The following C19orf38 variants were observed in gnomAD, a reference collection of about 807,000 sequenced individuals.
C19orf38 encodes protein HIDE1.
In C19orf38, 14 loss-of-function variants were observed where a neutral mutation model predicts 26.6. That is an observed-to-expected ratio of 0.53 (90% CI 0.35 to 0.82). C19orf38 has a LOEUF of 0.82. Among genes scored for constraint, C19orf38 ranks in the 40% least tolerant of loss-of-function variants. C19orf38 has a pLI of 0.01. For missense variants in C19orf38, 261 were observed against 299.5 expected (o/e 0.87, Z 0.95); for synonymous variants, 132 against 128.5 (o/e 1.03, Z -0.18).
rs990431864 is a variant in C19orf38 at position 10,848,426 on chromosome 19, G to T, written c.-83G>T. On this transcript the variant is annotated 5_prime_UTR_variant, in exon 1 of 7. Coordinates refer to ENST00000397820, the MANE Select transcript of C19orf38 (RefSeq NM_001136482.3). ...AATCAGCCCTGGTTCTCCTTTCCCC[G>T]ATCTGGCCTCACAGGAGGAGTTGGC... 1.4e-6 allele frequency: 2 copies of T among 1,439,940 alleles called. No individual in the cohort carries two copies. The highest frequency in any genetic ancestry group is 3.9e-5 in the Admixed American group (2 of 50,636). 89.2% of individuals were successfully genotyped at this position (1,439,940 alleles called of 1,614,324 possible).
chr19:10,865,987 T>TTA (rs2073747362), intron 6 of C19orf38, among the ~76,000 whole-genome samples: 1 of 151,670 alleles, frequency 6.6e-6, no homozygotes, highest in East Asian at 1.9e-4. Flanking sequence ...TAGTTTATTT[T>TTA]TATATATATA....
At chr19:10,851,144 T>TC (rs2073568083) in intron 2 of C19orf38, among the ~76,000 whole-genome samples, 1 of 152,194 alleles carries the variant, frequency 6.6e-6, no homozygotes, top group African/African-American at 2.4e-5. Context: ...AGCCTCTGCC[T>TC]CCTGGTTCAA....
intron 6 of C19orf38, among the ~76,000 whole-genome samples, 185 bp downstream of exon 6, chr19:10,863,392 C>T (rs2073722552): frequency 6.6e-6 from 1 of 152,100 alleles, no homozygotes; most frequent in African/African-American, 2.4e-5. Flanking sequence ...GTGAAAAAAT[C>T]CCAGGGGGTG....
rs150635267 is a variant in C19orf38 at position 10,848,474 on chromosome 19, C to T, written c.-35C>T. 29,458 of 1,551,070 alleles carry T rather than the reference C, an allele frequency of 0.019. 325 individuals carry two copies. Among genetic ancestry groups the T allele is most frequent in the Middle Eastern group, 0.03 (179 of 5,992 alleles). ...GGCGGGGAGCCTTGGGCCCCTCTGG[C>T]CTCAGCCGGATTTCCCAGCCAAACG... On this transcript the variant is annotated 5_prime_UTR_variant, in exon 1 of 7. Coordinates refer to ENST00000397820, the MANE Select transcript of C19orf38 (RefSeq NM_001136482.3).
In C19orf38 at chr19:10,858,298, A is replaced by C; in HGVS notation, c.434-18A>C. On this transcript the variant is annotated intron_variant, in intron 3 of 6. Coordinates refer to ENST00000397820, the MANE Select transcript of C19orf38 (RefSeq NM_001136482.3). ...TAGGACCAAAATCTAACACATGCTC[A>C]TTTCTTTTTTGTTCCAGTTAAACTC... 6.5e-7 allele frequency: 1 copy of C among 1,537,394 alleles called. No individual in the cohort carries two copies. The highest frequency in any genetic ancestry group is 8.8e-7 in the Non-Finnish European group (1 of 1,137,146).
At chr19:10,856,872 C>G (rs984378586) in intron 3 of C19orf38, among the ~76,000 whole-genome samples, 1 of 152,106 alleles carries the variant, frequency 6.6e-6, no homozygotes, top group African/African-American at 2.4e-5. Context: ...TCATAGCTCG[C>G]TGCATCCTTG....
upstream of C19orf38, among the ~76,000 whole-genome samples, chr19:10,846,625 C>T (rs185267964): frequency 7.2e-4 from 110 of 152,044 alleles, no homozygotes; most frequent in Middle Eastern, 6.8e-3. Flanking sequence ...CTAGGAAGAC[C>T]GATAAGAGAC....
At chr19:10,854,005 A>G (rs2073599998) in intron 2 of C19orf38, among the ~76,000 whole-genome samples, 1 of 149,930 alleles carries the variant, frequency 6.7e-6, no homozygotes, top group Admixed American at 6.7e-5. Context: ...GTGAGCCATG[A>G]TCGCACCACT....
At position 10,863,245 on chromosome 19, in the gene C19orf38, A is replaced by C. The variant is rs1555721995; in HGVS notation, c.543+38A>C. 4 of 1,543,732 alleles carry C rather than the reference A, an allele frequency of 2.6e-6. No homozygotes were observed. The South Asian group carries it at 4.8e-5, about 18-fold the overall frequency. On this transcript the variant is annotated intron_variant, in intron 6 of 6. Coordinates refer to ENST00000397820, the MANE Select transcript of C19orf38 (RefSeq NM_001136482.3). Reference sequence around the variant, plus strand: ...TTTTCTTGGAACCGGTTTTCTGCTGACCGTCCTACCGGGAGAACGGGGCGG... The same window carrying C: ...TTTTCTTGGAACCGGTTTTCTGCTGCCCGTCCTACCGGGAGAACGGGGCGG...
chr19:10,851,366 A>C (rs1229701545), intron 2 of C19orf38, among the ~76,000 whole-genome samples: 2 of 143,168 alleles, frequency 1.4e-5, no homozygotes, highest in East Asian at 4.5e-4. Flanking sequence ...TTTTTTTTTA[A>C]ATGAGACAAG....
intron 1 of C19orf38, among the ~76,000 whole-genome samples, chr19:10,837,922 C>G (rs949223636): frequency 2.0e-5 from 3 of 152,068 alleles, no homozygotes; most frequent in African/African-American, 4.8e-5. Flanking sequence ...ACCTCAGCCT[C>G]CTGAGTAGCT....
chr19:10,838,283 G>A (rs2073452259), intron 1 of C19orf38, among the ~76,000 whole-genome samples: 1 of 152,110 alleles, frequency 6.6e-6, no homozygotes, highest in Non-Finnish European at 1.5e-5. Flanking sequence ...GGTGGCGGGT[G>A]CCTGTAGTCC....
chr19:10,861,291 A>C (rs2073695816), intron 5 of C19orf38, among the ~76,000 whole-genome samples: 2 of 152,250 alleles, frequency 1.3e-5, no homozygotes, highest in Non-Finnish European at 2.9e-5. Flanking sequence ...TGCCTTCCAG[A>C]ACATGCCATT....
At chr19:10,849,984 G>A (rs777256776) in intron 1 of C19orf38, among the ~76,000 whole-genome samples, 62 of 148,800 alleles carry the variant, frequency 4.2e-4, no homozygotes, top group Middle Eastern at 3.4e-3. Flanking sequence ...ACTTGAACCC[G>A]GGAGGTGGAG....
chr19:10,840,947 T>TTTTG (rs569452694), intron 1 of C19orf38, among the ~76,000 whole-genome samples: 36 of 152,284 alleles, frequency 2.4e-4, no homozygotes, highest in Admixed American at 4.6e-4. Context: ...GTTTTGTATT[T>TTTTG]TTTGTTTGTT....
chr19:10,842,796 T>C (rs967028880), intron 1 of C19orf38, among the ~76,000 whole-genome samples: 9 of 152,024 alleles, frequency 5.9e-5, no homozygotes, highest in Admixed American at 2.0e-4. Context: ...TCAGGATTTT[T>C]CTTAGCCACT....
intron 6 of C19orf38, among the ~76,000 whole-genome samples, chr19:10,866,204 ATTT>A (rs761189003): frequency 7.7e-6 from 1 of 129,192 alleles, no homozygotes; most frequent in Non-Finnish European, 1.7e-5. Flanking sequence ...TGCCTGGCTA[ATTT>A]TTTTTTTTTT....
At chr19:10,852,917 C>G (rs1190828381) in intron 2 of C19orf38, among the ~76,000 whole-genome samples, 1 of 151,758 alleles carries the variant, frequency 6.6e-6, no homozygotes, top group African/African-American at 2.4e-5. Flanking sequence ...TACCATCAGT[C>G]AGAACTTTCC....
intron 6 of C19orf38, among the ~76,000 whole-genome samples, chr19:10,863,423 G>A (rs141301329): frequency 2.0e-5 from 3 of 152,288 alleles, no homozygotes; most frequent in African/African-American, 4.8e-5. Context: ...AGGTGGTGAC[G>A]TCAGGCTGTC....
Sources: gnomAD v4.1 joint callset for allele counts (sites outside exome capture counted in the v4.1 genomes callset) on GRCh38, gnomAD v4.1.1 for gene constraint, MANE v1.5 for transcripts, NCBI Gene and HGNC (gene_info 2026-07-23, HGNC 2026-07-21) for gene names.